ULK4: variants seen among roughly 807,000 people sequenced by gnomAD.
The protein encoded by ULK4 is inactive serine/threonine-protein kinase ULK4.
In ULK4, 133 loss-of-function variants were observed where a neutral mutation model predicts 160.6. That is an observed-to-expected ratio of 0.83 (90% CI 0.72 to 0.96). ULK4 has a LOEUF of 0.96. Among genes scored for constraint, ULK4 ranks in the 40% least tolerant of loss-of-function variants. The pLI is 0.00. For synonymous variants in ULK4, 534 were observed against 539.8 expected (o/e 0.99, Z 0.15); for missense variants, 1,580 against 1,499.5 (o/e 1.05, Z -0.89).
chr3:41,254,000 A>C (rs763338189), intron 35 of ULK4, among the ~76,000 whole-genome samples: 7 of 152,226 alleles, frequency 4.6e-5, no homozygotes, highest in Non-Finnish European at 1.0e-4. Context: ...ACAGAAAGCA[A>C]AAACTGATAC....
chr3:41,837,581 CCAGA>C (rs1280979467), intron 17 of ULK4, among the ~76,000 whole-genome samples: 1 of 139,182 alleles, frequency 7.2e-6, no homozygotes. Context: ...TTTTTTTTTT[CCAGA>C]CAGAGTCTCA....
At chr3:41,809,254 A>G (rs1428570769) in intron 19 of ULK4, among the ~76,000 whole-genome samples, 1 of 151,362 alleles carries the variant, frequency 6.6e-6, no homozygotes, top group African/African-American at 2.4e-5. Context: ...TTTTTATTTT[A>G]TATCCAGTAT....
chr3:41,928,458 A>C (rs1440676822), intron 5 of ULK4, among the ~76,000 whole-genome samples: 1 of 151,990 alleles, frequency 6.6e-6, no homozygotes, highest in African/African-American at 2.4e-5. Flanking sequence ...AGAGCAAACA[A>C]ATTCAAAAAC....
At chr3:41,431,208 C>T (rs552938803) in intron 34 of ULK4, among the ~76,000 whole-genome samples, 154 of 151,910 alleles carry the variant, frequency 1.0e-3, no homozygotes, top group African/African-American at 3.5e-3. Flanking sequence ...ATTAGCTGGG[C>T]GTAGTGAGGC....
At chr3:41,939,681 A>G (rs1218531273) in intron 2 of ULK4, among the ~76,000 whole-genome samples, 1 of 152,044 alleles carries the variant, frequency 6.6e-6, no homozygotes. Flanking sequence ...GGACCACTTG[A>G]GCCAGGGGGG....
intron 34 of ULK4, among the ~76,000 whole-genome samples, chr3:41,403,940 A>G (rs2082238725): frequency 6.6e-6 from 1 of 152,134 alleles, no homozygotes; most frequent in Non-Finnish European, 1.5e-5. Flanking sequence ...TATTGTTATT[A>G]GAGAACAATG....
chr3:41,395,494 CCA>C (rs1164429347), intron 35 of ULK4, among the ~76,000 whole-genome samples: 1 of 152,098 alleles, frequency 6.6e-6, no homozygotes, highest in Non-Finnish European at 1.5e-5. Flanking sequence ...AACCTTGAAG[CCA>C]CATACCAAGT....
rs577778674 is a variant in ULK4 at position 41,500,581 on chromosome 3, C to G, written c.3227-37328G>C. 6.6e-5 allele frequency among the ~76,000 whole-genome samples: 10 copies of G among 152,254 alleles called. No individual in the cohort carries two copies. In the South Asian group the frequency reaches 2.1e-3, roughly 32 times the overall value. ...ATCCCTAGCAGACTTCTGGCCCAATCCCCTGGATCGAAGCCAAGTTGGAAA... is the reference window on the plus strand; with the variant it reads ...ATCCCTAGCAGACTTCTGGCCCAATGCCCTGGATCGAAGCCAAGTTGGAAA... On this transcript the variant is annotated intron_variant, in intron 32 of 36. Coordinates refer to ENST00000301831, the MANE Select transcript of ULK4 (RefSeq NM_017886.4).
chr3:41,533,222 C>T (rs2086382601), intron 32 of ULK4, among the ~76,000 whole-genome samples: 1 of 152,074 alleles, frequency 6.6e-6, no homozygotes. Flanking sequence ...GCTGCCAAAG[C>T]ACACAACAGT....
chr3:41,863,756 G>A (rs2042558066), intron 17 of ULK4, among the ~76,000 whole-genome samples: 2 of 151,896 alleles, frequency 1.3e-5, no homozygotes, highest in South Asian at 2.1e-4. Context: ...GCCAGGGCCC[G>A]AAACAGGGGC....
chr3:41,399,136 C>A (rs961065336), intron 34 of ULK4, among the ~76,000 whole-genome samples: 2 of 152,166 alleles, frequency 1.3e-5, no homozygotes, highest in Non-Finnish European at 2.9e-5. Context: ...ACCAGCAATG[C>A]ATGAAATTTC....
At chr3:41,667,605 C>G (rs890505759) in intron 29 of ULK4, among the ~76,000 whole-genome samples, 1 of 150,622 alleles carries the variant, frequency 6.6e-6, no homozygotes, top group African/African-American at 2.4e-5. Flanking sequence ...CTGGCCCATT[C>G]TGATGGACTA....
chr3:41,552,760 G>C (rs2087121962), intron 32 of ULK4, among the ~76,000 whole-genome samples: 1 of 151,534 alleles, frequency 6.6e-6, no homozygotes, highest in South Asian at 2.1e-4. Context: ...AATTCATATG[G>C]AACCCAAAAA....
At chr3:41,607,033 T>C (rs2032416061) in intron 31 of ULK4, among the ~76,000 whole-genome samples, 1 of 152,154 alleles carries the variant, frequency 6.6e-6, no homozygotes, top group Non-Finnish European at 1.5e-5. Flanking sequence ...CCTAGATCAA[T>C]GTCCTGAAGC....
At chr3:41,932,443 T>C (rs1699634354) in intron 4 of ULK4, among the ~76,000 whole-genome samples, 1 of 152,248 alleles carries the variant, frequency 6.6e-6, no homozygotes, top group South Asian at 2.1e-4. Flanking sequence ...GTCCACCATT[T>C]ACTTGCTGTC....
chr3:41,497,489 G>C (rs1210638374), intron 32 of ULK4, among the ~76,000 whole-genome samples: 1 of 152,072 alleles, frequency 6.6e-6, no homozygotes, highest in Non-Finnish European at 1.5e-5. Flanking sequence ...AGAAATAATA[G>C]CTCATAGTTT....
chr3:41,794,279 T>A (rs1189031545), intron 20 of ULK4, among the ~76,000 whole-genome samples: 2 of 152,158 alleles, frequency 1.3e-5, no homozygotes, highest in African/African-American at 4.8e-5. Context: ...CATTCATTCA[T>A]CTGATTAGCA....
chr3:41,477,304 G>A (rs1378601081), intron 32 of ULK4, among the ~76,000 whole-genome samples: 2 of 152,094 alleles, frequency 1.3e-5, no homozygotes, highest in African/African-American at 2.4e-5. Flanking sequence ...TTGTGTTCTT[G>A]TTATTAGTTT....
chr3:41,902,073 A>G (rs759415731), intron 12 of ULK4, among the ~76,000 whole-genome samples: 1 of 152,316 alleles, frequency 6.6e-6, no homozygotes, highest in East Asian at 1.9e-4. Flanking sequence ...GGAAAAAAAA[A>G]AGAGAGAGAG....
Sources: gnomAD v4.1 joint callset for allele counts (sites outside exome capture counted in the v4.1 genomes callset) on GRCh38, gnomAD v4.1.1 for gene constraint, MANE v1.5 for transcripts, NCBI Gene and HGNC (gene_info 2026-07-23, HGNC 2026-07-21) for gene names.